Variants in FGF2 observed in about 807,000 individuals in gnomAD.
The protein encoded by FGF2 is fibroblast growth factor 2, also known as basic fibroblast growth factor bFGF.
Under a neutral mutation model 15.9 loss-of-function variants are expected in FGF2, and 13 were observed. The observed-to-expected ratio is 0.82, with a 90% CI of 0.53 to 1.30. The LOEUF (loss-of-function observed/expected upper bound fraction) is 1.30. Ranked by LOEUF, FGF2 falls within the 50% of genes most tolerant of loss-of-function variation. The pLI is 0.00. For missense variants in FGF2, 163 were observed against 196.9 expected, an observed-to-expected ratio of 0.83 and a Z score of 1.03; for synonymous variants, 90 against 78.4, an observed-to-expected ratio of 1.15 and a Z score of -0.78.
At position 122,827,367 on chromosome 4, in the gene FGF2, G is replaced by A. The variant is rs199668081; in HGVS notation, c.178+15G>A. On this transcript the variant is annotated intron_variant, in intron 1 of 2. Transcript: ENST00000644866. The surrounding 1 kb of genome is among the most constrained non-coding windows in gnomAD (Gnocchi z 4.2). ...CGACCCTCACAGTGAGTGCCGACCCGCTCTCTCCGCCTCATTTCCATTTCG... is the reference window on the plus strand; with the variant it reads ...CGACCCTCACAGTGAGTGCCGACCCACTCTCTCCGCCTCATTTCCATTTCG... The A allele has an allele frequency of 1.7e-5, 27 of 1,612,176 alleles. No homozygotes were observed. In the Admixed American group the frequency reaches 4.3e-4, roughly 26 times the overall value.
intron 1 of FGF2, among the ~76,000 whole-genome samples, chr4:122,866,225 G>A (rs1021975402): frequency 3.3e-5 from 5 of 152,088 alleles, no homozygotes; most frequent in Admixed American, 2.6e-4. Context: ...AAAATTAGCC[G>A]GGCGTGGTGG....
chr4:122,850,673 C>T (rs308434), intron 1 of FGF2, among the ~76,000 whole-genome samples: 35,071 of 151,984 alleles, frequency 0.23, 6,515 homozygotes, highest in African/African-American at 0.52. Flanking sequence ...TAGGTTGAAA[C>T]AGACATTCAT....
chr4:122,875,747 C>T (rs1319202557), intron 1 of FGF2, among the ~76,000 whole-genome samples: 1 of 152,164 alleles, frequency 6.6e-6, no homozygotes, highest in Non-Finnish European at 1.5e-5. Flanking sequence ...GCAGAGGTTG[C>T]AGTGAGCCGT....
chr4:122,861,057 T>C (rs1726454024), intron 1 of FGF2, among the ~76,000 whole-genome samples: 1 of 152,228 alleles, frequency 6.6e-6, no homozygotes, highest in Non-Finnish European at 1.5e-5. Flanking sequence ...GACCACTCCA[T>C]CCAGGCTCTT....
intron 1 of FGF2, among the ~76,000 whole-genome samples, chr4:122,864,739 A>G (rs116151062): frequency 6.7e-4 from 102 of 152,314 alleles, no homozygotes; most frequent in African/African-American, 2.4e-3. Context: ...CAATGCTAAC[A>G]TTGTTACATA....
In FGF2 at chr4:122,864,912, C is replaced by T. The variant is rs575522561; in HGVS notation, c.179-11409C>T. ...TTAACAATGCAAACATTGTTACATGCTTATTATAAAGGTAACATGCACAAC... is the reference window on the plus strand; with the variant it reads ...TTAACAATGCAAACATTGTTACATGTTTATTATAAAGGTAACATGCACAAC... On this transcript the variant is annotated intron_variant, in intron 1 of 2. Coordinates refer to ENST00000644866, the MANE Select transcript of FGF2 (RefSeq NM_001361665.2). Among the ~76,000 whole-genome samples, 245 of 152,192 alleles carry T rather than the reference C, an allele frequency of 1.6e-3. 1 individual carries two copies. Among genetic ancestry groups the T allele is most frequent in the Non-Finnish European group, 3.0e-3 (206 of 67,998 alleles).
chr4:122,885,074 A>G (rs747389508), intron 2 of FGF2, among the ~76,000 whole-genome samples: 4 of 152,138 alleles, frequency 2.6e-5, no homozygotes, highest in African/African-American at 4.8e-5. Flanking sequence ...TGGATAGTCA[A>G]CTCTTGGAAA....
At position 122,897,773 on chromosome 4, in the gene FGF2, G is replaced by T; in HGVS notation, c.*5377G>T. 1 of 846,866 alleles carries T rather than the reference G, an allele frequency of 1.2e-6. No individual in the cohort carries two copies. The highest frequency in any genetic ancestry group is 1.7e-5 in the African/African-American group (1 of 58,828). 52.5% of individuals were successfully genotyped at this position (846,866 alleles called of 1,614,324 possible). A position where few individuals can be genotyped will look rare whatever the true frequency, so the allele number is the denominator to read the frequency against. ...AATCCACCTATAATTGGTCAAAGTG[G>T]TTGAGAATATATTTTTTAGTAATTG... On this transcript the variant is annotated 3_prime_UTR_variant, in exon 3 of 3. Coordinates refer to ENST00000644866, the MANE Select transcript of FGF2 (RefSeq NM_001361665.2).
In FGF2 at chr4:122,830,809, T is replaced by C. The variant is rs1452191323; in HGVS notation, c.178+3457T>C. On this transcript the variant is annotated intron_variant, in intron 1 of 2. Transcript: ENST00000644866. ...AGTATTCAATTTATTCCAGGTGCTC[T>C]TATTTACAAAAAAAAAAAAAAAAAA... is the stretch of plus-strand genomic sequence containing the variant. Among the ~76,000 whole-genome samples the C allele has an allele frequency of 4.8e-5, 6 of 125,936 alleles. No individual in the cohort carries two copies. In the East Asian group the frequency reaches 1.3e-3, roughly 28 times the overall value. 82.6% of individuals were successfully genotyped at this position (125,936 alleles called of 152,430 possible).
chr4:122,879,425 C>A (rs1726918504), intron 2 of FGF2, among the ~76,000 whole-genome samples: 1 of 152,192 alleles, frequency 6.6e-6, no homozygotes, highest in East Asian at 1.9e-4. Flanking sequence ...AAAGGAGTTG[C>A]ACACAACATT....
chr4:122,851,636 G>GGGCTAGAATTGATTTCTT (rs1726234160), intron 1 of FGF2, among the ~76,000 whole-genome samples: 1 of 152,152 alleles, frequency 6.6e-6, no homozygotes, highest in African/African-American at 2.4e-5. Context: ...GTCTAAATAG[G>GGGCTAGAATTGATTTCTT]GGCTAGAATT....
chr4:122,861,608 T>G (rs45515294), intron 1 of FGF2, among the ~76,000 whole-genome samples: 1 of 151,542 alleles, frequency 6.6e-6, no homozygotes, highest in Non-Finnish European at 1.5e-5. Context: ...CCACAGTTGG[T>G]GCTTCCTTGG....
At chr4:122,876,985 A>T (rs1276213397) in intron 2 of FGF2, among the ~76,000 whole-genome samples, 1 of 152,260 alleles carries the variant, frequency 6.6e-6, no homozygotes, top group Non-Finnish European at 1.5e-5. Context: ...GGATTTTATC[A>T]GAATTTAATT....
rs1413333514 is a variant in FGF2, at chr4:122,893,189, C to A, written c.*793C>A. The A allele has an allele frequency of 1.9e-6, 3 of 1,612,028 alleles. No homozygotes were observed. The highest frequency in any genetic ancestry group is 8.5e-7 in the Non-Finnish European group (1 of 1,178,990). ...GACGGACCTGAATTCTGATTTTATACCAGTCTCTTCAAAAACTTCTCGAAC... is the reference window on the plus strand; with the variant it reads ...GACGGACCTGAATTCTGATTTTATAACAGTCTCTTCAAAAACTTCTCGAAC... On this transcript the variant is annotated 3_prime_UTR_variant, in exon 3 of 3. Transcript: ENST00000644866.
At chr4:122,880,095 C>A (rs897825028) in intron 2 of FGF2, among the ~76,000 whole-genome samples, 1 of 152,140 alleles carries the variant, frequency 6.6e-6, no homozygotes, top group Non-Finnish European at 1.5e-5. Context: ...TGCCTATGAG[C>A]CTGTAAAATC....
chr4:122,892,132 A>T, intron 2 of FGF2, 79 bp from the exon 3 acceptor site: 1 of 1,232,092 alleles, frequency 8.1e-7, no homozygotes, highest in Non-Finnish European at 1.2e-6. Flanking sequence ...TAGGCATTAT[A>T]CTATCATAAA....
At chr4:122,874,049 G>A (rs1054328848) in intron 1 of FGF2, among the ~76,000 whole-genome samples, 1 of 152,172 alleles carries the variant, frequency 6.6e-6, no homozygotes, top group Non-Finnish European at 1.5e-5. Context: ...ATAAGATGGT[G>A]GACCAGAGCT....
Position 122,893,159 on chromosome 4 carries a change from C to G in FGF2, c.*763C>G, listed in dbSNP as rs1442589239. ...AGGATTTGTGTGCTGTTGCCGAATA[C>G]TCAGGACGGACCTGAATTCTGATTT... On this transcript the variant is annotated 3_prime_UTR_variant, in exon 3 of 3. Transcript: ENST00000644866. 6.2e-7 allele frequency: 1 copy of G among 1,614,152 alleles called. No homozygotes were observed. The highest frequency in any genetic ancestry group is 1.7e-5 in the Admixed American group (1 of 60,020).
chr4:122,844,952 A>C (rs952006675), intron 1 of FGF2, among the ~76,000 whole-genome samples: 8 of 152,164 alleles, frequency 5.3e-5, no homozygotes, highest in Non-Finnish European at 1.2e-4. Context: ...AAGGTTTTCA[A>C]TTTACTTTAC....
Sources: allele counts gnomAD v4.1 joint callset (sites outside exome capture counted in the v4.1 genomes callset), GRCh38; gene constraint gnomAD v4.1.1; non-coding constraint Gnocchi (gnomAD v3.1); transcripts MANE v1.5; gene names NCBI Gene and HGNC (gene_info 2026-07-23, HGNC 2026-07-21).